ATF2: variants seen among roughly 807,000 people sequenced by gnomAD.
The protein encoded by ATF2 is activating transcription factor 2, also known as cyclic AMP-dependent transcription factor ATF-2.
In ATF2, 24 loss-of-function variants were observed where a neutral mutation model predicts 60.6. The ratio of observed to expected loss-of-function variants is 0.40; its 90% CI spans 0.29 to 0.56. The LOEUF (loss-of-function observed/expected upper bound fraction) is 0.56. Ranked by LOEUF, ATF2 falls within the 20% of genes least tolerant of loss-of-function variation. The probability of loss-of-function intolerance (pLI) is 0.54; values close to 1 mark genes in which losing one functional copy is unlikely to be tolerated. For missense variants in ATF2, 433 were observed against 607.7 expected (o/e 0.71, Z 3.02); for synonymous variants, 206 against 215.4 (o/e 0.96, Z 0.38).
chr2:175,120,470 G>C (rs1174645416), intron 5 of ATF2, among the ~76,000 whole-genome samples: 2 of 151,440 alleles, frequency 1.3e-5, no homozygotes, highest in East Asian at 3.9e-4. Flanking sequence ...TTTCAATACT[G>C]TAAGTAGAGG....
intron 1 of ATF2, among the ~76,000 whole-genome samples, chr2:175,161,286 G>A (rs568324645): frequency 6.6e-6 from 1 of 152,340 alleles, no homozygotes; most frequent in Non-Finnish European, 1.5e-5. Context: ...GTAGATGGTT[G>A]CTGTACTGCT....
intron 1 of ATF2, among the ~76,000 whole-genome samples, chr2:175,156,090 G>A (rs1013057085): frequency 3.3e-5 from 5 of 152,116 alleles, no homozygotes; most frequent in South Asian, 2.1e-4. Context: ...ACAGATCTTT[G>A]CTAGCCATGG....
chr2:175,142,857 T>C (rs1024967561), intron 2 of ATF2, among the ~76,000 whole-genome samples: 8 of 151,940 alleles, frequency 5.3e-5, no homozygotes, highest in Admixed American at 4.6e-4. Flanking sequence ...TGTCTGTGTG[T>C]GTTTTAAGAG....
intron 2 of ATF2, among the ~76,000 whole-genome samples, chr2:175,143,579 T>A (rs1239053979): frequency 6.6e-6 from 1 of 152,160 alleles, no homozygotes; most frequent in Non-Finnish European, 1.5e-5. Context: ...TAAACTGCCC[T>A]CCAAATATAC....
At chr2:175,124,803 G>A (rs371051571) in intron 4 of ATF2, among the ~76,000 whole-genome samples, 5 of 151,848 alleles carry the variant, frequency 3.3e-5, no homozygotes, top group Admixed American at 3.3e-4. Context: ...TTTCAATGAC[G>A]GGGCACCAAA....
At chr2:175,087,628 C>T (rs1279411901) in intron 12 of ATF2, among the ~76,000 whole-genome samples, 1 of 152,060 alleles carries the variant, frequency 6.6e-6, no homozygotes, top group Admixed American at 6.6e-5. Context: ...AATAAAGAAA[C>T]AGTATGAATA....
Position 175,074,745 on chromosome 2 carries a change from T to C in ATF2, c.1382A>G (p.Asn461Ser), listed in dbSNP as rs555768175. The C allele has an allele frequency of 3.2e-5, 51 of 1,613,570 alleles. No homozygotes were observed. The highest frequency in any genetic ancestry group is 2.3e-4 in the Admixed American group (14 of 59,880). The change falls in exon 14 of 14, where the codon AAT becomes AGT. Residue 461 changes from asparagine to serine, a missense_variant. This residue lies in a region of ATF2 where 114 missense variants were observed against 104.0 expected (regional missense o/e 1.10). Coordinates refer to ENST00000264110, the MANE Select transcript of ATF2 (RefSeq NM_001880.4). ...AIQHSSVSTS[N>S]GVSSTSKAEA... ...TGCCTTGGAGGTTGAACTGACTCCA[T>C]TGGATGTGCTGACCGAACTATGCTG...
intron 1 of ATF2, among the ~76,000 whole-genome samples, chr2:175,163,928 A>AAAAAAAAAAAAAAAAG (rs1270536988): frequency 6.7e-6 from 1 of 148,194 alleles, no homozygotes; most frequent in East Asian, 1.9e-4. Context: ...CAAAAAAAAA[A>AAAAAAAAAAAAAAAAG]AAAAGAAAAG....
intron 10 of ATF2, among the ~76,000 whole-genome samples, chr2:175,097,865 C>T (rs1695041404): frequency 6.6e-6 from 1 of 152,168 alleles, no homozygotes; most frequent in African/African-American, 2.4e-5. Context: ...CTCCAAGAAC[C>T]TACAGCTGGG....
At chr2:175,116,323 G>C (rs1017906453) in intron 7 of ATF2, among the ~76,000 whole-genome samples, 4 of 146,446 alleles carry the variant, frequency 2.7e-5, no homozygotes, top group Non-Finnish European at 4.5e-5. Flanking sequence ...AAAATATGCT[G>C]TTAGTTTCAG....
chr2:175,083,888 G>GA (rs1471445435), intron 12 of ATF2, among the ~76,000 whole-genome samples: 2 of 152,040 alleles, frequency 1.3e-5, no homozygotes, highest in Non-Finnish European at 2.9e-5. Context: ...AAAGACACAT[G>GA]AAAAAAATGC....
chr2:175,147,292 T>C (rs936880202), intron 2 of ATF2, among the ~76,000 whole-genome samples: 1 of 152,218 alleles, frequency 6.6e-6, no homozygotes, highest in East Asian at 1.9e-4. Flanking sequence ...TATTTTATTT[T>C]CCTACATCCC....
chr2:175,146,505 T>A (rs905306386), intron 2 of ATF2, among the ~76,000 whole-genome samples: 3 of 152,216 alleles, frequency 2.0e-5, no homozygotes, highest in African/African-American at 7.2e-5. Context: ...TAAAAACTTA[T>A]AGAAGGAGTT....
At chr2:175,114,333 A>C (rs1696402752) in intron 8 of ATF2, 5 of 1,273,338 alleles carry the variant, frequency 3.9e-6, no homozygotes, top group Non-Finnish European at 3.0e-6. Flanking sequence ...ACTTAGGACA[A>C]TCTCCAATTT....
intron 3 of ATF2, 55 bp from the exon 4 acceptor site, chr2:175,130,262 T>C (rs1234876979): frequency 1.7e-5 from 19 of 1,144,146 alleles, no homozygotes; most frequent in Non-Finnish European, 2.2e-5. Flanking sequence ...AAGAATAATT[T>C]AAAATATAAA....
intron 2 of ATF2, among the ~76,000 whole-genome samples, chr2:175,141,888 A>G (rs975495927): frequency 6.6e-6 from 1 of 152,178 alleles, no homozygotes; most frequent in African/African-American, 2.4e-5. Flanking sequence ...ATTCCTCCAT[A>G]CAAACTGTTG....
At chr2:175,167,351 A>T (rs890812865) in intron 1 of ATF2, among the ~76,000 whole-genome samples, 1 of 151,970 alleles carries the variant, frequency 6.6e-6, no homozygotes, top group Admixed American at 6.6e-5. Context: ...AAAATACCAG[A>T]ATCAGTCTGC....
At position 175,097,516 on chromosome 2, in the gene ATF2, C is replaced by A; in HGVS notation, c.906G>T (p.Leu302Phe). 6.2e-7 allele frequency: 1 copy of A among 1,614,118 alleles called. No individual in the cohort carries two copies. The change falls in exon 11 of 14, where the codon TTG becomes TTT. Residue 302 changes from leucine to phenylalanine, a missense_variant. Leu to Phe is a conservative substitution (Grantham distance 22). Transcript: ENST00000264110. Reference protein sequence around the residue: ...GDTVKGHGSGLVRTQSEESRP... With the variant: ...GDTVKGHGSGFVRTQSEESRP... ...GAGATTCCTCTGACTGAGTCCTAAC[C>A]AATCCGCTACCATGACCTTTGACAG...
chr2:175,078,218 G>A (rs1693499889), intron 13 of ATF2, among the ~76,000 whole-genome samples: 1 of 152,070 alleles, frequency 6.6e-6, no homozygotes, highest in Admixed American at 6.6e-5. Context: ...CAATCTTCCC[G>A]CCTTGGCCTC....
Sources: gnomAD v4.1 joint callset for allele counts (sites outside exome capture counted in the v4.1 genomes callset) on GRCh38, gnomAD v4.1.1 for gene constraint, gnomAD v4.1.1 regional missense constraint, MANE v1.5 for transcripts, NCBI Gene and HGNC (gene_info 2026-07-23, HGNC 2026-07-21) for gene names.